MTREX: variants seen among roughly 807,000 people sequenced by gnomAD.
The protein encoded by MTREX is Mtr4 exosome RNA helicase.
A neutral mutation model predicts 135.4 loss-of-function variants in MTREX; 76 were observed. The observed-to-expected ratio is 0.56, with a 90% confidence interval of 0.47 to 0.68. The LOEUF is 0.68. MTREX is among the 30% of genes least tolerant of loss of function. The pLI is 0.00. For synonymous variants in MTREX, 404 were observed against 401.6 expected, an observed-to-expected ratio of 1.01 and a Z score of -0.07; for missense variants, 920 against 1,262.1, an observed-to-expected ratio of 0.73 and a Z score of 4.11.
chr5:55,347,592 T>A (rs955795278), intron 11 of MTREX, among the ~76,000 whole-genome samples: 1 of 152,242 alleles, frequency 6.6e-6, no homozygotes, highest in African/African-American at 2.4e-5. Context: ...CAAAGTGATA[T>A]AACTTCTAGC....
rs185966520 is a variant in MTREX at position 55,374,422 on chromosome 5, G to A, written c.1811-3892G>A. Among the ~76,000 whole-genome samples, 8 of 151,822 alleles carry A rather than the reference G, an allele frequency of 5.3e-5. No individual in the cohort carries two copies. The East Asian group carries it at 1.6e-3, about 29-fold the overall frequency. On this transcript the variant is annotated intron_variant, in intron 16 of 26. Coordinates refer to ENST00000230640, the MANE Select transcript of MTREX (RefSeq NM_015360.5). Reference sequence around the variant, plus strand: ...CCAACCTCAGCCTCCCAAGTAGCTAGGACCACAGGTGTGTACCATCACACC... The same window carrying A: ...CCAACCTCAGCCTCCCAAGTAGCTAAGACCACAGGTGTGTACCATCACACC...
chr5:55,362,662 A>G (rs1750036990), intron 15 of MTREX, among the ~76,000 whole-genome samples: 2 of 152,128 alleles, frequency 1.3e-5, no homozygotes, highest in African/African-American at 4.8e-5. Flanking sequence ...CGCCCAGCCA[A>G]GACAGCAGTT....
intron 24 of MTREX, among the ~76,000 whole-genome samples, chr5:55,415,535 T>C (rs230764): frequency 9.1e-4 from 139 of 152,248 alleles, no homozygotes; most frequent in African/African-American, 3.2e-3. Context: ...AAGAATGAAG[T>C]TTCTCAACTT....
intron 5 of MTREX, among the ~76,000 whole-genome samples, chr5:55,329,914 CTT>C (rs559250788): frequency 1.3e-5 from 2 of 151,820 alleles, no homozygotes; most frequent in Non-Finnish European, 2.9e-5. Flanking sequence ...TTCCAGGACT[CTT>C]TTGGGCCGCT....
chr5:55,341,993 A>G (rs1424649704), intron 7 of MTREX, among the ~76,000 whole-genome samples: 1 of 152,184 alleles, frequency 6.6e-6, no homozygotes, highest in Non-Finnish European at 1.5e-5. Context: ...AGGTAGGATC[A>G]TGGTTCGCTG....
chr5:55,379,573 G>GACACACAC (rs60169736), intron 18 of MTREX, among the ~76,000 whole-genome samples: 279 of 143,894 alleles, frequency 1.9e-3, no homozygotes, highest in African/African-American at 3.9e-3. Flanking sequence ...AAATCTCCCT[G>GACACACAC]ACACACACAC....
rs562125248 is a variant in MTREX at position 55,414,793 on chromosome 5, G to A, written c.2808+555G>A. 2.0e-5 allele frequency among the ~76,000 whole-genome samples: 3 copies of A among 152,058 alleles called. No individual in the cohort carries two copies. In the East Asian group the frequency reaches 5.8e-4, roughly 29 times the overall value. On this transcript the variant is annotated intron_variant, in intron 24 of 26. Coordinates refer to ENST00000230640, the MANE Select transcript of MTREX (RefSeq NM_015360.5). ...GCCTCCTGAGTAGCTGGGATTACAGGCACCCGCCACCACACTCAGCTAATT... is the reference window on the plus strand; with the variant it reads ...GCCTCCTGAGTAGCTGGGATTACAGACACCCGCCACCACACTCAGCTAATT...
intron 21 of MTREX, among the ~76,000 whole-genome samples, chr5:55,403,900 G>A (rs1203437523): frequency 6.6e-6 from 1 of 152,146 alleles, no homozygotes; most frequent in African/African-American, 2.4e-5. Context: ...AAAAGAGCTT[G>A]GATTCTAGGG....
At chr5:55,313,496 C>T (rs1434232035) in intron 1 of MTREX, among the ~76,000 whole-genome samples, 1 of 152,018 alleles carries the variant, frequency 6.6e-6, no homozygotes, top group Non-Finnish European at 1.5e-5. Flanking sequence ...TAAACTTTTT[C>T]TTATATATAC....
At position 55,425,118 on chromosome 5, in the gene MTREX, A is replaced by G. The variant is rs1357024756; in HGVS notation, c.*346A>G. 1.3e-6 allele frequency: 2 copies of G among 1,486,222 alleles called. No homozygotes were observed. The highest frequency in any genetic ancestry group is 1.8e-6 in the Non-Finnish European group (2 of 1,101,764). 92.1% of individuals were successfully genotyped at this position (1,486,222 alleles called of 1,614,324 possible). On this transcript the variant is annotated 3_prime_UTR_variant, in exon 27 of 27. Coordinates refer to ENST00000230640, the MANE Select transcript of MTREX (RefSeq NM_015360.5). ...AGCAGAAGTCTTTAAAGGCTTGTAC[A>G]CCAGGAAGAAAGATGCATCCTCTTG...
chr5:55,314,085 A>T (rs534170816), intron 1 of MTREX, among the ~76,000 whole-genome samples: 1 of 152,174 alleles, frequency 6.6e-6, no homozygotes, highest in African/African-American at 2.4e-5. Context: ...CAAATGATGC[A>T]ACAATGTCTG....
At position 55,413,054 on chromosome 5, in the gene MTREX, A is replaced by T. The variant is rs1579902149; in HGVS notation, c.2752-1128A>T. On this transcript the variant is annotated intron_variant, in intron 23 of 26. Coordinates refer to ENST00000230640, the MANE Select transcript of MTREX (RefSeq NM_015360.5). ...CCTACAATTGCTTTAAAAAAAAAAA[A>T]TTAGCGATCGGGCACAGTGGCTCAT... Among the ~76,000 whole-genome samples the T allele has an allele frequency of 2.6e-5, 4 of 152,138 alleles. No individual in the cohort carries two copies. In the South Asian group the frequency reaches 8.3e-4, roughly 32 times the overall value.
At chr5:55,339,471 T>G (rs140496291) in intron 5 of MTREX, among the ~76,000 whole-genome samples, 1 of 152,346 alleles carries the variant, frequency 6.6e-6, no homozygotes, top group Non-Finnish European at 1.5e-5. Flanking sequence ...CTGTCTATAT[T>G]TAAAGAAAAA....
chr5:55,413,732 A>G (rs1284600207), intron 23 of MTREX, among the ~76,000 whole-genome samples: 1 of 152,178 alleles, frequency 6.6e-6, no homozygotes, highest in Non-Finnish European at 1.5e-5. Context: ...TAGGGACACT[A>G]TTTTTAACGT....
In MTREX at chr5:55,422,927, G is replaced by GT; in HGVS notation, c.3022dup (p.Cys1008LeufsTer11). 1 of 1,614,066 alleles carries GT rather than the reference G, an allele frequency of 6.2e-7. No individual in the cohort carries two copies. Among genetic ancestry groups the GT allele is most frequent in the Non-Finnish European group, 8.5e-7 (1 of 1,179,986 alleles). On this transcript the variant is annotated frameshift_variant, in exon 26 of 27. Transcript: ENST00000230640. LOFTEE classifies it high-confidence loss of function. ...GCCTGGAAGAATTGCTTCGACAAAT[G>GT]TGTCAAGCAGCAAAAGCCATTGGAA...
intron 3 of MTREX, chr5:55,324,424 CTTTTTTTTTTTTTTTTTTTTTTTTT>C (rs10592726): frequency 2.4e-4 from 4 of 17,012 alleles, no homozygotes; most frequent in Non-Finnish European, 2.2e-4. Context: ...CTTATTTTAA[CTTTTTTTTTTTTTTTTTTTTTTTTT>C]TTTTTTTTTT....
chr5:55,417,048 C>G (rs1158931685), intron 25 of MTREX, among the ~76,000 whole-genome samples: 1 of 152,026 alleles, frequency 6.6e-6, no homozygotes, highest in Non-Finnish European at 1.5e-5. Context: ...AACTGAGGGC[C>G]TTTACTACAT....
At chr5:55,345,476 A>C (rs368900054) in intron 10 of MTREX, among the ~76,000 whole-genome samples, 2 of 152,186 alleles carry the variant, frequency 1.3e-5, no homozygotes, top group East Asian at 3.9e-4. Context: ...CATGAACCCA[A>C]AAAGAAACCC....
chr5:55,342,127 C>T (rs949259795), intron 7 of MTREX, among the ~76,000 whole-genome samples: 4 of 152,124 alleles, frequency 2.6e-5, no homozygotes, highest in African/African-American at 9.7e-5. Flanking sequence ...GCAGGCAGGT[C>T]TTGAACTCCT....
Sources: allele counts gnomAD v4.1 joint callset (sites outside exome capture counted in the v4.1 genomes callset), GRCh38; gene constraint gnomAD v4.1.1; transcripts MANE v1.5; gene names NCBI Gene and HGNC (gene_info 2026-07-23, HGNC 2026-07-21).